DNAH12: variants seen among roughly 807,000 people sequenced by gnomAD.
The protein encoded by DNAH12 is axonemal beta dynein heavy chain 12.
A neutral mutation model predicts 371.5 loss-of-function variants in DNAH12; 285 were observed. The observed-to-expected ratio is 0.77, with a 90% confidence interval of 0.70 to 0.85. DNAH12 has a LOEUF of 0.85. Ranked by LOEUF, DNAH12 falls within the 40% of genes least tolerant of loss-of-function variation. The pLI is 0.00. For synonymous variants in DNAH12, 1,200 were observed against 1,213.0 expected (o/e 0.99, Z 0.22); for missense variants, 3,611 against 3,689.4 (o/e 0.98, Z 0.55).
At chr3:57,345,861 T>C (rs1372023169) in intron 60 of DNAH12, among the ~76,000 whole-genome samples, 3 of 152,162 alleles carry the variant, frequency 2.0e-5, no homozygotes, top group Non-Finnish European at 4.4e-5. Context: ...TACCTAACCT[T>C]TTCTTAATTT....
intron 6 of DNAH12, 77 bp downstream of exon 6, chr3:57,509,063 C>T: frequency 4.7e-6 from 6 of 1,269,498 alleles, no homozygotes; most frequent in Non-Finnish European, 6.7e-6. Context: ...CAATTGTATA[C>T]TTGAAGGTAA....
chr3:57,523,145 G>T (rs1046236658), intron 4 of DNAH12, among the ~76,000 whole-genome samples: 1 of 152,088 alleles, frequency 6.6e-6, no homozygotes, highest in Non-Finnish European at 1.5e-5. Context: ...CAATTTGATA[G>T]GCCAAGGTGG....
chr3:57,427,929 T>G (rs2064832301), intron 34 of DNAH12, among the ~76,000 whole-genome samples: 1 of 151,196 alleles, frequency 6.6e-6, no homozygotes, highest in Non-Finnish European at 1.5e-5. Flanking sequence ...TTTTTGGTTT[T>G]GGGGTTTTTT....
rs1482139338 is a variant in DNAH12, at chr3:57,408,401, G to T, written c.6155C>A (p.Ser2052Tyr). Reference protein sequence around the residue: ...IRHFNICSINSFSDETMVRIF... With the variant: ...IRHFNICSINYFSDETMVRIF... ...TCGGACCATAGTTTCATCACTAAAA[G>T]AATTAATACTGCAGATGTTGAAATG... Residue 2052 changes from serine to tyrosine, a missense_variant, in exon 40 of 74, where the codon TCT (serine) becomes TAT (tyrosine). Physicochemically the swap from Ser to Tyr is moderately radical, Grantham distance 144. This residue lies in a region of DNAH12 where 2,266 missense variants were observed against 2,236.9 expected (regional missense o/e 1.01). Transcript: ENST00000495027. The T allele has an allele frequency of 3.5e-5, 54 of 1,551,540 alleles. No individual in the cohort carries two copies. Among genetic ancestry groups the T allele is most frequent in the Non-Finnish European group, 4.6e-5 (53 of 1,146,916 alleles).
chr3:57,407,897 G>A (rs1330837269), intron 40 of DNAH12, among the ~76,000 whole-genome samples: 4 of 152,130 alleles, frequency 2.6e-5, no homozygotes, highest in African/African-American at 9.7e-5. Context: ...TGCAAAATGG[G>A]AGGGAAGATA....
At chr3:57,437,657 T>C (rs2065170644) in intron 29 of DNAH12, among the ~76,000 whole-genome samples, 1 of 152,202 alleles carries the variant, frequency 6.6e-6, no homozygotes, top group Non-Finnish European at 1.5e-5. Context: ...TTAATGGTTG[T>C]GTGGGCTTAT....
Position 57,504,126 on chromosome 3 carries a change from A to G in DNAH12, c.976T>C (p.Phe326Leu). The change falls in exon 9 of 74, where the codon TTT becomes CTT. Residue 326 changes from phenylalanine to leucine, a missense_variant. Physicochemically the swap from Phe to Leu is conservative, Grantham distance 22. This residue lies in a region of DNAH12 where 1,314 missense variants were observed against 1,398.7 expected (regional missense o/e 0.94). Coordinates refer to ENST00000495027, the MANE Select transcript of DNAH12 (RefSeq NM_001366028.2). The stretch of plus-strand genomic sequence containing the variant: ...TCATCAAATGTCAATTCTATCTTAA[A>G]TATTGGCAGCCTTTGTTGATCTTTT... ...DPKDQQRLPIFKIELTFDDDK... is the reference protein window; with the variant it reads ...DPKDQQRLPILKIELTFDDDK... 6.2e-7 allele frequency: 1 copy of G among 1,613,996 alleles called. No individual in the cohort carries two copies. The highest frequency in any genetic ancestry group is 8.5e-7 in the Non-Finnish European group (1 of 1,179,940).
At chr3:57,365,955 G>A (rs915352439) in intron 57 of DNAH12, among the ~76,000 whole-genome samples, 3 of 151,926 alleles carry the variant, frequency 2.0e-5, no homozygotes, top group Non-Finnish European at 2.9e-5. Context: ...CAAGTCAGAA[G>A]TCATGGTGTC....
chr3:57,459,097 A>G (rs1430166105), intron 20 of DNAH12, among the ~76,000 whole-genome samples: 1 of 152,194 alleles, frequency 6.6e-6, no homozygotes, highest in Non-Finnish European at 1.5e-5. Context: ...TGTGTATGAA[A>G]AATATATAGT....
At chr3:57,408,656 A>T in intron 39 of DNAH12, 121 bp from the exon 40 acceptor site, 4 of 1,254,750 alleles carry the variant, frequency 3.2e-6, no homozygotes, top group Non-Finnish European at 4.2e-6. Context: ...ATAACTTCAG[A>T]TAACACTTTG....
chr3:57,409,478 A>G (rs1045450243), intron 39 of DNAH12, among the ~76,000 whole-genome samples: 9 of 152,180 alleles, frequency 5.9e-5, no homozygotes, highest in African/African-American at 1.9e-4. Flanking sequence ...AGATAAATAT[A>G]TAAGTGTAAA....
chr3:57,450,962 A>C (rs2065739701), intron 25 of DNAH12, among the ~76,000 whole-genome samples: 2 of 152,236 alleles, frequency 1.3e-5, no homozygotes, highest in Non-Finnish European at 2.9e-5. Flanking sequence ...ACCCTTAGTC[A>C]ATGACATTAA....
At chr3:57,329,884 C>A (rs941308739) in intron 62 of DNAH12, among the ~76,000 whole-genome samples, 23 of 152,264 alleles carry the variant, frequency 1.5e-4, no homozygotes, top group African/African-American at 5.5e-4. Flanking sequence ...CAAACAACCC[C>A]ATCCAAAAGT....
chr3:57,414,998 G>A (rs908702581), intron 38 of DNAH12, among the ~76,000 whole-genome samples: 4 of 152,126 alleles, frequency 2.6e-5, no homozygotes, highest in African/African-American at 9.7e-5. Flanking sequence ...TCCTGTCACA[G>A]GCCCATGGTT....
At chr3:57,339,800 T>C (rs187984645) in intron 60 of DNAH12, among the ~76,000 whole-genome samples, 18 of 152,078 alleles carry the variant, frequency 1.2e-4, no homozygotes, top group Non-Finnish European at 2.6e-4. Flanking sequence ...AAGTAAAAAA[T>C]ACCTCACCCC....
chr3:57,403,091 G>T (rs569203965), intron 43 of DNAH12, among the ~76,000 whole-genome samples: 2 of 152,052 alleles, frequency 1.3e-5, no homozygotes, highest in African/African-American at 4.8e-5. Context: ...GCATTGCATT[G>T]CTGTGCCTAT....
intron 29 of DNAH12, among the ~76,000 whole-genome samples, chr3:57,441,878 C>G (rs1575604436): frequency 6.6e-6 from 1 of 151,784 alleles, no homozygotes; most frequent in South Asian, 2.1e-4. Context: ...CAATAAAGTA[C>G]AAAACAAAAC....
At chr3:57,520,786 A>G (rs960077929) in intron 4 of DNAH12, among the ~76,000 whole-genome samples, 22 of 151,980 alleles carry the variant, frequency 1.4e-4, no homozygotes, top group Admixed American at 4.6e-4. Context: ...TGCTGAGTTT[A>G]AAGAGTTATT....
chr3:57,455,028 T>C, intron 22 of DNAH12, 134 bp from the exon 23 acceptor site: 1 of 854,912 alleles, frequency 1.2e-6, no homozygotes. Flanking sequence ...AAATGTTAAA[T>C]GACTAAAAGA....
Sources: allele counts gnomAD v4.1 joint callset (sites outside exome capture counted in the v4.1 genomes callset), GRCh38; gene constraint gnomAD v4.1.1; regional missense constraint gnomAD v4.1.1; transcripts MANE v1.5; gene names NCBI Gene and HGNC (gene_info 2026-07-23, HGNC 2026-07-21).